WDFY2: variants seen among roughly 807,000 people sequenced by gnomAD.
WDFY2 encodes the protein WD repeat and FYVE domain-containing protein 2.
A neutral mutation model predicts 56.4 loss-of-function variants in WDFY2; 36 were observed. That is an observed-to-expected ratio of 0.64 (90% CI 0.49 to 0.84). WDFY2 has a LOEUF of 0.84. Among genes scored for constraint, WDFY2 ranks in the 40% least tolerant of loss-of-function variants. The probability of loss-of-function intolerance (pLI) is 0.00; values close to 1 mark genes in which losing one functional copy is unlikely to be tolerated. For synonymous variants in WDFY2, 176 were observed against 183.7 expected, an observed-to-expected ratio of 0.96 and a Z score of 0.34; for missense variants, 444 against 512.2, an observed-to-expected ratio of 0.87 and a Z score of 1.29.
rs200342300 is a variant in WDFY2, at chr13:51,714,146, CAT to C, written c.335-5049_335-5048del. Among the ~76,000 whole-genome samples, 1,387 of 150,582 alleles carry C rather than the reference CAT, an allele frequency of 9.2e-3. 22 individuals carry two copies. Among genetic ancestry groups the C allele is most frequent in the African/African-American group, 0.029 (1,193 of 40,938 alleles). On this transcript the variant is annotated intron_variant, in intron 4 of 11. Coordinates refer to ENST00000298125, the MANE Select transcript of WDFY2 (RefSeq NM_052950.4). Reference sequence around the variant, plus strand: ...AATACAGTAAAAAATTAAAAGATAACATATGTGGATTACTTAGTGAAGTATCT... The same window carrying C: ...AATACAGTAAAAAATTAAAAGATAACATGTGGATTACTTAGTGAAGTATCT...
intron 3 of WDFY2, among the ~76,000 whole-genome samples, chr13:51,679,934 A>AG (rs1260200358): frequency 6.6e-6 from 1 of 152,020 alleles, no homozygotes; most frequent in African/African-American, 2.4e-5. Flanking sequence ...TTAAAAAAAA[A>AG]CAAAACAAAA....
At chr13:51,688,645 T>G (rs558508762) in intron 3 of WDFY2, among the ~76,000 whole-genome samples, 97 of 152,252 alleles carry the variant, frequency 6.4e-4, no homozygotes, top group Middle Eastern at 6.8e-3. Context: ...AATCCAAAAC[T>G]TAACAACCAA....
At chr13:51,703,718 C>G (rs1422744219) in intron 4 of WDFY2, 68 bp downstream of exon 4, 1 of 1,242,214 alleles carries the variant, frequency 8.1e-7, no homozygotes, top group Admixed American at 2.1e-5. Context: ...TTCACTGCCA[C>G]AAGAGAATAC....
At chr13:51,607,700 C>A (rs1033558969) in intron 1 of WDFY2, among the ~76,000 whole-genome samples, 10 of 151,938 alleles carry the variant, frequency 6.6e-5, no homozygotes, top group Admixed American at 6.6e-5. Context: ...GAAAGTACTC[C>A]CCTGCTCCCA....
chr13:51,759,691 T>C (rs1953518424), intron 11 of WDFY2, 49 bp from the exon 12 acceptor site: 9 of 1,602,538 alleles, frequency 5.6e-6, no homozygotes, highest in African/African-American at 2.7e-5. Context: ...AGGACTGTTA[T>C]CCTCAACACA....
At chr13:51,750,777 C>T (rs1953215275) in intron 7 of WDFY2, among the ~76,000 whole-genome samples, 1 of 152,128 alleles carries the variant, frequency 6.6e-6, no homozygotes, top group Non-Finnish European at 1.5e-5. Context: ...AAGTCTGTTA[C>T]TGCTATGGAT....
intron 1 of WDFY2, among the ~76,000 whole-genome samples, chr13:51,605,493 G>C (rs919768391): frequency 6.6e-6 from 1 of 152,188 alleles, no homozygotes; most frequent in African/African-American, 2.4e-5. Context: ...ATCCATCCTT[G>C]AAAGGTGAAA....
At chr13:51,743,608 C>T (rs1170046518) in intron 7 of WDFY2, among the ~76,000 whole-genome samples, 1 of 152,182 alleles carries the variant, frequency 6.6e-6, no homozygotes, top group Non-Finnish European at 1.5e-5. Flanking sequence ...GAAATATTAA[C>T]ATATATTCAT....
chr13:51,614,312 T>A (rs1954566471), intron 1 of WDFY2, among the ~76,000 whole-genome samples: 1 of 152,202 alleles, frequency 6.6e-6, no homozygotes, highest in South Asian at 2.1e-4. Flanking sequence ...AAAATTTATA[T>A]GAAGATGTTG....
At chr13:51,724,714 C>T (rs763174252) in intron 5 of WDFY2, among the ~76,000 whole-genome samples, 6 of 152,192 alleles carry the variant, frequency 3.9e-5, no homozygotes, top group East Asian at 1.9e-4. Flanking sequence ...TACATTGGCA[C>T]GTCACTATCA....
chr13:51,591,130 A>G (rs896215666), intron 1 of WDFY2: 1 of 152,250 alleles, frequency 6.6e-6, no homozygotes, highest in Non-Finnish European at 1.5e-5. Context: ...TTTCCTAGCT[A>G]TGACTCTTGT....
chr13:51,747,086 G>A (rs1451698038), intron 7 of WDFY2, among the ~76,000 whole-genome samples: 1 of 152,222 alleles, frequency 6.6e-6, no homozygotes, highest in Non-Finnish European at 1.5e-5. Flanking sequence ...AGTACAAATA[G>A]TTCTTTTCCA....
At chr13:51,706,839 A>G (rs781700041) in intron 4 of WDFY2, among the ~76,000 whole-genome samples, 2 of 152,220 alleles carry the variant, frequency 1.3e-5, no homozygotes, top group African/African-American at 4.8e-5. Context: ...CTAACAAGCA[A>G]TCAATCCACC....
rs560800062 is a variant in WDFY2, at chr13:51,631,779, T to C, written c.138-28817T>C. On this transcript the variant is annotated intron_variant, in intron 1 of 11. Transcript: ENST00000298125. ...GTGGGGCTCAAGCAGTCCTCCCATC[T>C]CAGCCTCCCAAAGTGCTGGGATTAC... is the stretch of plus-strand genomic sequence containing the variant. Among the ~76,000 whole-genome samples the C allele has an allele frequency of 3.9e-5, 6 of 152,324 alleles. No individual in the cohort carries two copies. In the East Asian group the frequency reaches 1.2e-3, roughly 29 times the overall value.
At chr13:51,616,992 A>G (rs1239092361) in intron 1 of WDFY2, among the ~76,000 whole-genome samples, 1 of 152,224 alleles carries the variant, frequency 6.6e-6, no homozygotes, top group Non-Finnish European at 1.5e-5. Context: ...ATTGTGACAA[A>G]GCTGTGAAAG....
At chr13:51,747,144 A>C (rs1437227415) in intron 7 of WDFY2, among the ~76,000 whole-genome samples, 1 of 152,280 alleles carries the variant, frequency 6.6e-6, no homozygotes, top group African/African-American at 2.4e-5. Flanking sequence ...GCTATAGCAG[A>C]GCCTTCAGGC....
chr13:51,585,476 C>T (rs953351737), intron 1 of WDFY2, among the ~76,000 whole-genome samples: 4 of 152,184 alleles, frequency 2.6e-5, no homozygotes, highest in East Asian at 1.9e-4. Context: ...TCTTGAGTTC[C>T]TTCCCTTTGC....
intron 1 of WDFY2, chr13:51,599,360 AAGGTGC>A (rs1954221417): frequency 6.6e-6 from 1 of 152,600 alleles, no homozygotes; most frequent in African/African-American, 2.4e-5. Context: ...GGAGAAGCAC[AAGGTGC>A]AGAGAATCTC....
chr13:51,651,626 T>A (rs369414432), intron 1 of WDFY2, among the ~76,000 whole-genome samples: 1 of 152,198 alleles, frequency 6.6e-6, no homozygotes, highest in Non-Finnish European at 1.5e-5. Flanking sequence ...TCTTTGTTCT[T>A]GTTGGTTTCA....
Sources: gnomAD v4.1 joint callset for allele counts (sites outside exome capture counted in the v4.1 genomes callset) on GRCh38, gnomAD v4.1.1 for gene constraint, MANE v1.5 for transcripts, NCBI Gene and HGNC (gene_info 2026-07-23, HGNC 2026-07-21) for gene names.